BAZ2A: variants seen among roughly 807,000 people sequenced by gnomAD.
BAZ2A encodes the protein bromodomain adjacent to zinc finger domain 2A.
BAZ2A carries 34 observed loss-of-function variants against 199.9 expected under a neutral mutation model. That is an observed-to-expected ratio of 0.17 (90% confidence interval 0.13 to 0.23). The LOEUF (loss-of-function observed/expected upper bound fraction) is 0.23, where lower values mean the gene tolerates loss of function less well. Among genes scored for constraint, BAZ2A ranks in the 10% least tolerant of loss-of-function variants. The probability of loss-of-function intolerance (pLI) is 1.00; values close to 1 mark genes in which losing one functional copy is unlikely to be tolerated. For missense variants in BAZ2A, 2,002 were observed against 2,391.1 expected (o/e 0.84, Z 3.39); for synonymous variants, 857 against 883.9 (o/e 0.97, Z 0.54).
rs754569102 is a variant in BAZ2A, at chr12:56,615,492, G to A, written c.252C>T (p.Ser84=). 2.5e-5 allele frequency: 41 copies of A among 1,613,400 alleles called. No individual in the cohort carries two copies. The highest frequency in any genetic ancestry group is 3.4e-5 in the Non-Finnish European group (40 of 1,179,858). Residue 84 remains serine (S), a synonymous_variant, in exon 3 of 29, where the codon AGC becomes AGT. Coordinates refer to ENST00000549884, the MANE Select transcript of BAZ2A (RefSeq NM_001300905.2). ...AGTTCCAGAGACAGTCGTAGGCCAC[G>A]CTGGGGTGATGGAGGTGTGAGGTGC... ...SSSTSHLHHP[S]VAYDCLWNYS...
Position 56,596,030 on chromosome 12 carries a change from A to G in BAZ2A, c.*2588T>C, listed in dbSNP as rs1885776697. The G allele has an allele frequency of 6.6e-6, 1 of 152,600 alleles. No individual in the cohort carries two copies. The highest frequency in any genetic ancestry group is 1.5e-5 in the Non-Finnish European group (1 of 68,022). The allele number at this position is 152,600 out of a possible 1,614,324, so 9.5% of individuals were successfully genotyped here. A position where few individuals can be genotyped will look rare whatever the true frequency, so the allele number is the denominator to read the frequency against. On this transcript the variant is annotated 3_prime_UTR_variant, in exon 29 of 29. Transcript: ENST00000549884. ...TGGCAAAAACAGGAGTTTTTTCGCT[A>G]GACTTTTTTTTTCTTTTTAACCTTA...
chr12:56,616,508 T>C (rs896650759), intron 2 of BAZ2A, among the ~76,000 whole-genome samples: 2 of 152,076 alleles, frequency 1.3e-5, no homozygotes, highest in Admixed American at 6.6e-5. Context: ...TGGAAGGTAA[T>C]ATGCCAGCTG....
rs530441003 is a variant in BAZ2A at position 56,611,483 on chromosome 12, C to T, written c.1670+90G>A. 4 of 1,322,142 alleles carry T rather than the reference C, an allele frequency of 3.0e-6. No individual in the cohort carries two copies. In the African/African-American group the frequency reaches 4.4e-5, roughly 14 times the overall value. 81.9% of individuals were successfully genotyped at this position (1,322,142 alleles called of 1,614,324 possible). A position where few individuals can be genotyped will look rare whatever the true frequency, so the allele number is the denominator to read the frequency against. On this transcript the variant is annotated intron_variant, in intron 7 of 28. Transcript: ENST00000549884. ...ACTCTTGTCTGGCCCATTCCTCCCC[C>T]ACCTCAGAGGAAAAGAGGCATTCCC...
In BAZ2A at chr12:56,604,212, C is replaced by T. The variant is rs767053305; in HGVS notation, c.3038+5G>A. The stretch of plus-strand genomic sequence containing the variant: ...CTGAGGCTCTACTCTCTGTCTGGTC[C>T]CTACCTCCGGAGCCGGCCTTCAACA... On this transcript the variant is annotated splice_donor_5th_base_variant and intron_variant, in intron 16 of 28. Transcript: ENST00000549884. The T allele has an allele frequency of 2.5e-6, 4 of 1,602,178 alleles. No individual in the cohort carries two copies. The East Asian group carries it at 9.0e-5, about 36-fold the overall frequency.
At chr12:56,623,254 G>A (rs1950980046) in intron 1 of BAZ2A, among the ~76,000 whole-genome samples, 1 of 151,402 alleles carries the variant, frequency 6.6e-6, no homozygotes, top group Admixed American at 6.6e-5. Flanking sequence ...AAAAGAAAAA[G>A]GCTGACAATG....
intron 2 of BAZ2A, among the ~76,000 whole-genome samples, 152 bp from the exon 3 acceptor site, chr12:56,615,759 G>C (rs890229431): frequency 6.6e-6 from 1 of 152,166 alleles, no homozygotes; most frequent in South Asian, 2.1e-4. Flanking sequence ...GGTCTCTGGA[G>C]AACACCAAGC....
Position 56,617,481 on chromosome 12 carries a change from G to A in BAZ2A, c.50C>T (p.Ala17Val), listed in dbSNP as rs762563137. ...FNFTGLPPAP[A>V]ASGLKPSPSS... ...AGGAGAGGGTTTCAGTCCTGAGGCA[G>A]CAGGTGCAGGGGGAAGGCCAGTAAA... Residue 17 changes from alanine (A) to valine (V), a missense_variant, in exon 2 of 29, where the codon GCT (alanine) becomes GTT (valine). Transcript: ENST00000549884. 1.3e-5 allele frequency: 21 copies of A among 1,609,918 alleles called. No homozygotes were observed. In the Admixed American group the frequency reaches 3.5e-4, roughly 27 times the overall value.
In BAZ2A at chr12:56,611,338, T is replaced by G. The variant is rs184191748; in HGVS notation, c.1670+235A>C. On this transcript the variant is annotated intron_variant, in intron 7 of 28. Transcript: ENST00000549884. Reference sequence around the variant, plus strand: ...AATAGCTGGAGCTCCTTGGGCAAAATTGAGTCACTACAAGATGAAAAAAGA... The same window carrying G: ...AATAGCTGGAGCTCCTTGGGCAAAAGTGAGTCACTACAAGATGAAAAAAGA... 7 of 572,256 alleles carry G rather than the reference T, an allele frequency of 1.2e-5. No individual in the cohort carries two copies. The East Asian group carries it at 2.2e-4, about 18-fold the overall frequency. The allele number at this position is 572,256 out of a possible 1,614,324, so 35.4% of individuals were successfully genotyped here.
At chr12:56,630,340 AG>A, upstream of BAZ2A, 1 of 956,998 alleles carries the variant, frequency 1.0e-6, no homozygotes, top group Non-Finnish European at 1.2e-6. Flanking sequence ...TCGGAGCCGG[AG>A]GGGGCGGAGA....
At position 56,600,369 on chromosome 12, in the gene BAZ2A, C is replaced by T. The variant is rs760813892; in HGVS notation, c.4724G>A (p.Arg1575His). The T allele has an allele frequency of 1.2e-6, 2 of 1,614,004 alleles. No homozygotes were observed. Among genetic ancestry groups the T allele is most frequent in the South Asian group, 1.1e-5 (1 of 91,086 alleles). Residue 1575 changes from arginine to histidine, a missense_variant, in exon 24 of 29, where the codon CGT becomes CAT. Physicochemically the swap from Arg to His is conservative, Grantham distance 29 (BLOSUM62 0). This residue lies in a region of BAZ2A where 1,081 missense variants were observed against 1,274.7 expected (regional missense o/e 0.85). Coordinates refer to ENST00000549884, the MANE Select transcript of BAZ2A (RefSeq NM_001300905.2). ...GRGREGLAPQ[R>H]KTTNPLDLAV... is the part of the protein sequence containing the mutation. ...CAGGTCCAAAGGGTTGGTAGTTTTA[C>T]GCTGAGGTGCCAGTCCCTCCCTGCC...
Position 56,602,032 on chromosome 12 carries a change from G to A in BAZ2A, c.3585C>T (p.Pro1195=), listed in dbSNP as rs186606826. ...RARGRPRKTK[P]GSMQPRHLKS... ...TAAGATGCCTAGGTTGCATAGACCC[G>A]GGCTTAGTTTTTCGAGGTCGGCCTC... Residue 1195 remains proline (P), a synonymous_variant, in exon 20 of 29, where the codon CCC becomes CCT. Coordinates refer to ENST00000549884, the MANE Select transcript of BAZ2A (RefSeq NM_001300905.2). 7.8e-5 allele frequency: 122 copies of A among 1,554,848 alleles called. No homozygotes were observed. The highest frequency in any genetic ancestry group is 2.4e-5 in the South Asian group (2 of 84,630).
chr12:56,623,264 GCA>G (rs539248673), intron 1 of BAZ2A, among the ~76,000 whole-genome samples: 161 of 151,802 alleles, frequency 1.1e-3, no homozygotes, highest in African/African-American at 3.6e-3. Flanking sequence ...GGCTGACAAT[GCA>G]CAAAGTGTTG....
chr12:56,598,660 G>A lies in BAZ2A; in HGVS notation c.5670C>T (p.Ser1890=). ...AGHIMRRFFE[S]RWEEFYQGKQ... Reference sequence around the variant, plus strand: ...TTCCCTGATAAAACTCCTCCCAGCGGCTCTCGAAGAAGCGGCGCATGATGT... The same window carrying A: ...TTCCCTGATAAAACTCCTCCCAGCGACTCTCGAAGAAGCGGCGCATGATGT... Residue 1890 remains serine, a synonymous_variant, in exon 29 of 29, where the codon AGC becomes AGT. Transcript: ENST00000549884. The A allele has an allele frequency of 1.9e-6, 3 of 1,613,762 alleles. No individual in the cohort carries two copies. The highest frequency in any genetic ancestry group is 2.5e-6 in the Non-Finnish European group (3 of 1,179,822).
upstream of BAZ2A, among the ~76,000 whole-genome samples, chr12:56,631,216 G>T (rs1349788624): frequency 6.6e-6 from 1 of 152,104 alleles, no homozygotes; most frequent in Non-Finnish European, 1.5e-5. Flanking sequence ...ACTTTGGGAG[G>T]CCGAGGCAGG....
Position 56,613,041 on chromosome 12 carries a change from G to A in BAZ2A, c.1109C>T (p.Pro370Leu), listed in dbSNP as rs1414544915. ...TSIFASPTSP[P>L]VLGESVLQDN... ...TTGCAGGACAGACTCCCCTAGGACAGGTGGAGAGGTGGGACTGGCAAAGAT... is the reference window on the plus strand; with the variant it reads ...TTGCAGGACAGACTCCCCTAGGACAAGTGGAGAGGTGGGACTGGCAAAGAT... Residue 370 changes from proline (P) to leucine (L), a missense_variant, in exon 5 of 29, where the codon CCT becomes CTT. By Grantham distance (98) the Pro-to-Leu change is moderately conservative. Transcript: ENST00000549884. 1 of 1,613,672 alleles carries A rather than the reference G, an allele frequency of 6.2e-7. No individual in the cohort carries two copies. Among genetic ancestry groups the A allele is most frequent in the Non-Finnish European group, 8.5e-7 (1 of 1,179,758 alleles).
At chr12:56,623,395 A>C (rs1950984366) in intron 1 of BAZ2A, among the ~76,000 whole-genome samples, 2 of 152,218 alleles carry the variant, frequency 1.3e-5, no homozygotes, top group East Asian at 1.9e-4. Context: ...CCAGCTGGAT[A>C]CTGCAGTGGT....
chr12:56,625,154 CTTTTTTT>C (rs1002458672), intron 1 of BAZ2A, among the ~76,000 whole-genome samples: 8 of 108,114 alleles, frequency 7.4e-5, no homozygotes, highest in Non-Finnish European at 1.3e-4. Flanking sequence ...CTTAGAATTT[CTTTTTTT>C]TTTTTTTTTT....
chr12:56,626,385 G>C (rs1467037250), intron 1 of BAZ2A, among the ~76,000 whole-genome samples: 1 of 152,132 alleles, frequency 6.6e-6, no homozygotes, highest in African/African-American at 2.4e-5. Context: ...TAGCAGTTTG[G>C]TGCTTGACCT....
chr12:56,597,674 A>ACACACACACACACACACACACG lies in BAZ2A; in HGVS notation c.*943_*944insCGTGTGTGTGTGTGTGTGTGTG. On this transcript the variant is annotated 3_prime_UTR_variant, in exon 29 of 29. Coordinates refer to ENST00000549884, the MANE Select transcript of BAZ2A (RefSeq NM_001300905.2). ...CACACACACACACACACACACACAC[A>ACACACACACACACACACACACG]GCGCTCTCTCTGAGGCCGGCCCCAT... is the stretch of plus-strand genomic sequence containing the variant. 1 of 142,860 alleles carries ACACACACACACACACACACACG rather than the reference A, an allele frequency of 7.0e-6. No homozygotes were observed. The highest frequency in any genetic ancestry group is 2.7e-5 in the African/African-American group (1 of 37,322). The allele number at this position is 142,860 out of a possible 1,614,324, so 8.8% of individuals were successfully genotyped here.
Sources: allele counts gnomAD v4.1 joint callset (sites outside exome capture counted in the v4.1 genomes callset), GRCh38; gene constraint gnomAD v4.1.1; regional missense constraint gnomAD v4.1.1; transcripts MANE v1.5; gene names NCBI Gene and HGNC (gene_info 2026-07-23, HGNC 2026-07-21).